Variants in NRP1 observed in about 807,000 individuals in gnomAD.
The protein encoded by NRP1 is neuropilin-1.
NRP1 carries 35 observed loss-of-function variants against 106.7 expected under a neutral mutation model. The observed-to-expected ratio is 0.33, with a 90% CI of 0.25 to 0.43. The LOEUF is 0.43. Among genes scored for constraint, NRP1 ranks in the 20% least tolerant of loss-of-function variants. The pLI, the probability that NRP1 is intolerant of heterozygous loss-of-function variation, is 1.00. For missense variants in NRP1, 1,024 were observed against 1,170.4 expected (o/e 0.87, Z 1.83); for synonymous variants, 437 against 417.9 (o/e 1.05, Z -0.56).
intron 8 of NRP1, among the ~76,000 whole-genome samples, chr10:33,214,611 A>G (rs1320986513): frequency 1.3e-5 from 2 of 152,056 alleles, no homozygotes; most frequent in Non-Finnish European, 2.9e-5. Flanking sequence ...TCTCCACTAC[A>G]CCAACTGCTA....
intron 2 of NRP1, among the ~76,000 whole-genome samples, chr10:33,293,099 G>A (rs947866185): frequency 6.6e-6 from 1 of 152,020 alleles, no homozygotes; most frequent in Non-Finnish European, 1.5e-5. Context: ...CTTCCGATTT[G>A]TCTTGTTTCA....
At chr10:33,291,596 T>C (rs1401360990) in intron 2 of NRP1, among the ~76,000 whole-genome samples, 2 of 152,156 alleles carry the variant, frequency 1.3e-5, no homozygotes, top group African/African-American at 4.8e-5. Flanking sequence ...AAGAAATTAG[T>C]AGGAGCATAT....
At chr10:33,282,174 G>A (rs948391180) in intron 2 of NRP1, among the ~76,000 whole-genome samples, 11 of 149,970 alleles carry the variant, frequency 7.3e-5, no homozygotes, top group Non-Finnish European at 1.2e-4. Context: ...TTCCATTGAT[G>A]TACCCAACCG....
chr10:33,248,547 G>GTATCTGCTTTCAAAGT (rs67254572), intron 6 of NRP1, among the ~76,000 whole-genome samples: 26,794 of 152,084 alleles, frequency 0.18, 2,782 homozygotes, highest in East Asian at 0.51. Flanking sequence ...TTCATTAATG[G>GTATCTGCTTTCAAAGT]TCCTTCAGAG....
intron 1 of NRP1, 86 bp downstream of exon 1, chr10:33,334,224 C>T: frequency 1.6e-6 from 2 of 1,269,236 alleles, no homozygotes; most frequent in Non-Finnish European, 2.2e-6. Flanking sequence ...CGGCTGATCC[C>T]GGGAAGCCCC....
intron 2 of NRP1, among the ~76,000 whole-genome samples, chr10:33,278,862 T>C (rs1445189219): frequency 6.6e-6 from 1 of 152,190 alleles, no homozygotes; most frequent in East Asian, 1.9e-4. Context: ...AATAATTTTA[T>C]TGTCACTAAG....
chr10:33,313,958 C>T (rs1310485585), intron 2 of NRP1, among the ~76,000 whole-genome samples: 1 of 151,386 alleles, frequency 6.6e-6, no homozygotes, highest in Non-Finnish European at 1.5e-5. Context: ...CCTTCCTTCC[C>T]TCCCTCTCTC....
chr10:33,330,584 C>T (rs905988080), intron 2 of NRP1, 124 bp downstream of exon 2: 9 of 682,938 alleles, frequency 1.3e-5, no homozygotes, highest in Non-Finnish European at 2.0e-5. Flanking sequence ...TATAATCTGG[C>T]TGAGATTGGA....
intron 2 of NRP1, among the ~76,000 whole-genome samples, chr10:33,330,270 C>G (rs1239148152): frequency 6.6e-6 from 1 of 151,804 alleles, no homozygotes; most frequent in Admixed American, 6.6e-5. Context: ...TGCCACAGTT[C>G]AATATATCTC....
In NRP1 at chr10:33,178,276, A is replaced by G. The variant is rs1383172799; in HGVS notation, c.*1800T>C. ...TAAAAAATCTCATGTCCAACATGGC[A>G]TGATAAAAATCCACCAAAACCAACC... On this transcript the variant is annotated 3_prime_UTR_variant, in exon 17 of 17. Coordinates refer to ENST00000374867, the MANE Select transcript of NRP1 (RefSeq NM_003873.7). 6.6e-6 allele frequency: 1 copy of G among 152,248 alleles called. No homozygotes were observed. Among genetic ancestry groups the G allele is most frequent in the East Asian group, 1.9e-4 (1 of 5,202 alleles). 9.4% of individuals were successfully genotyped at this position (152,248 alleles called of 1,614,324 possible). A position where few individuals can be genotyped will look rare whatever the true frequency, so the allele number is the denominator to read the frequency against.
intron 6 of NRP1, among the ~76,000 whole-genome samples, chr10:33,230,503 T>G (rs764134162): frequency 6.6e-6 from 1 of 152,170 alleles, no homozygotes; most frequent in Non-Finnish European, 1.5e-5. Context: ...TCTACCACGA[T>G]GAAGACAGCA....
chr10:33,267,593 T>C (rs1437074387), intron 3 of NRP1, among the ~76,000 whole-genome samples: 1 of 144,642 alleles, frequency 6.9e-6, no homozygotes, highest in African/African-American at 2.5e-5. Context: ...CCCACCCCCG[T>C]CCCCCGTCCC....
chr10:33,271,754 C>T (rs1843323596), intron 2 of NRP1, among the ~76,000 whole-genome samples: 1 of 152,156 alleles, frequency 6.6e-6, no homozygotes, highest in South Asian at 2.1e-4. Context: ...TTAAAATGTA[C>T]AAAGCCATCA....
At chr10:33,227,150 G>A (rs1208613842) in intron 6 of NRP1, among the ~76,000 whole-genome samples, 5 of 152,164 alleles carry the variant, frequency 3.3e-5, no homozygotes, top group Non-Finnish European at 5.9e-5. Flanking sequence ...TTGATCCCTG[G>A]TGCAAAAGAG....
At chr10:33,191,914 G>T (rs1367783349) in intron 13 of NRP1, among the ~76,000 whole-genome samples, 1 of 148,070 alleles carries the variant, frequency 6.8e-6, no homozygotes, top group Non-Finnish European at 1.5e-5. Flanking sequence ...GGAGGCGGAG[G>T]TTGCAGTGAG....
intron 6 of NRP1, among the ~76,000 whole-genome samples, chr10:33,230,756 C>T (rs558280419): frequency 4.9e-4 from 75 of 152,266 alleles, no homozygotes; most frequent in African/African-American, 1.8e-3. Flanking sequence ...GTATAAGCAT[C>T]TGAATCTATT....
chr10:33,204,515 C>G (rs1349522139), intron 10 of NRP1, among the ~76,000 whole-genome samples: 1 of 152,160 alleles, frequency 6.6e-6, no homozygotes, highest in East Asian at 1.9e-4. Flanking sequence ...TCTCCTTGCT[C>G]CAGATAATGT....
intron 6 of NRP1, chr10:33,249,451 A>G (rs1439415081): frequency 1.9e-6 from 1 of 525,964 alleles, no homozygotes; most frequent in Non-Finnish European, 3.9e-6. Flanking sequence ...AGGAAAAGAA[A>G]CTCAGTTTCA....
At chr10:33,183,536 A>G (rs2132580815) in intron 15 of NRP1, among the ~76,000 whole-genome samples, 1 of 152,304 alleles carries the variant, frequency 6.6e-6, no homozygotes, top group East Asian at 1.9e-4. Context: ...TTGAGGCAAG[A>G]GACTGTGCCC....
Sources: allele counts gnomAD v4.1 joint callset (sites outside exome capture counted in the v4.1 genomes callset), GRCh38; gene constraint gnomAD v4.1.1; transcripts MANE v1.5; gene names NCBI Gene and HGNC (gene_info 2026-07-23, HGNC 2026-07-21).